Variants in TSNAXIP1 observed in about 807,000 individuals in gnomAD.
The protein encoded by TSNAXIP1 is translin associated factor X interacting protein 1, also known as translin-associated factor X-interacting protein 1.
A neutral mutation model predicts 84.8 loss-of-function variants in TSNAXIP1; 89 were observed. That is an observed-to-expected ratio of 1.05 (90% CI 0.88 to 1.25). TSNAXIP1 has a LOEUF of 1.25. Among genes scored for constraint, TSNAXIP1 ranks in the 50% most tolerant of loss-of-function variants. The pLI, the probability that TSNAXIP1 is intolerant of heterozygous loss-of-function variation, is 0.00. For synonymous variants in TSNAXIP1, 347 were observed against 335.2 expected (o/e 1.04, Z -0.39); for missense variants, 874 against 887.6 (o/e 0.98, Z 0.20).
chr16:67,826,502 C>T lies in TSNAXIP1; in HGVS notation c.1341C>T (p.Ser447=), dbSNP rs1391554557. 4 of 1,614,004 alleles carry T rather than the reference C, an allele frequency of 2.5e-6. No homozygotes were observed. The African/African-American group carries it at 4.0e-5, about 16-fold the overall frequency. Residue 447 remains serine, a synonymous_variant, in exon 11 of 16, where the codon AGC becomes AGT. Coordinates refer to ENST00000561639, the MANE Select transcript of TSNAXIP1 (RefSeq NM_001288990.3). The part of the protein sequence containing the change: ...FDGLVENKKP[S]KKDVVNLLKD... ...GCCTCGTGGAGAACAAGAAGCCAAGCAAGAAGGACGTGGTCAACCTCCTCA... is the reference window on the plus strand; with the variant it reads ...GCCTCGTGGAGAACAAGAAGCCAAGTAAGAAGGACGTGGTCAACCTCCTCA...
intron 2 of TSNAXIP1, among the ~76,000 whole-genome samples, chr16:67,818,206 C>T (rs2056755165): frequency 6.6e-6 from 1 of 151,934 alleles, no homozygotes; most frequent in Admixed American, 6.6e-5. Flanking sequence ...GAGACTCAGT[C>T]TCAAAAAAAT....
intron 1 of TSNAXIP1, chr16:67,807,533 C>T (rs892459521): frequency 2.6e-5 from 16 of 625,422 alleles, no homozygotes; most frequent in Non-Finnish European, 3.8e-5. Context: ...GGCACTACTA[C>T]GGCTCACTGC....
intron 1 of TSNAXIP1, among the ~76,000 whole-genome samples, chr16:67,808,105 A>G (rs1288702388): frequency 1.3e-5 from 2 of 152,188 alleles, no homozygotes; most frequent in Non-Finnish European, 2.9e-5. Flanking sequence ...GGGAACATTT[A>G]GGCAGAATAT....
At chr16:67,809,651 T>C (rs1454372590) in intron 1 of TSNAXIP1, among the ~76,000 whole-genome samples, 4 of 150,326 alleles carry the variant, frequency 2.7e-5, no homozygotes, top group African/African-American at 9.9e-5. Context: ...AATAAATAAA[T>C]AAATAATACA....
At chr16:67,824,852 C>T (rs2057323286) in intron 6 of TSNAXIP1, 73 bp downstream of exon 6, 1 of 1,477,708 alleles carries the variant, frequency 6.8e-7, no homozygotes, top group South Asian at 1.3e-5. Flanking sequence ...TGACCCCCTA[C>T]CCTGCTCTGC....
intron 1 of TSNAXIP1, among the ~76,000 whole-genome samples, chr16:67,811,076 A>G (rs999342558): frequency 1.3e-5 from 2 of 151,002 alleles, no homozygotes; most frequent in South Asian, 2.1e-4. Flanking sequence ...CCCGCCTCTT[A>G]GCCTCCCTGA....
At chr16:67,812,482 A>G (rs908954055) in intron 1 of TSNAXIP1, among the ~76,000 whole-genome samples, 1 of 151,646 alleles carries the variant, frequency 6.6e-6, no homozygotes, top group Non-Finnish European at 1.5e-5. Flanking sequence ...CCTGGCCAAC[A>G]TGGTGAAACT....
intron 2 of TSNAXIP1, among the ~76,000 whole-genome samples, chr16:67,816,731 G>T (rs897192314): frequency 6.6e-6 from 1 of 152,058 alleles, no homozygotes; most frequent in Non-Finnish European, 1.5e-5. Flanking sequence ...CTCCGGGGCC[G>T]CCTTCCCGTT....
chr16:67,825,086 C>A, intron 6 of TSNAXIP1, 51 bp from the exon 7 acceptor site: 1 of 1,598,976 alleles, frequency 6.3e-7, no homozygotes, highest in South Asian at 1.1e-5. Context: ...TGACCAGCTG[C>A]ATACAGGGGT....
chr16:67,807,300 A>G lies in TSNAXIP1; in HGVS notation c.47+104A>G, dbSNP rs530697901. ...CTGCACCTCCTGCTGGCCTCTGACC[A>G]TTGATCTAGGGCTCCAGCACCACAG... On this transcript the variant is annotated intron_variant, in intron 1 of 15. Coordinates refer to ENST00000561639, the MANE Select transcript of TSNAXIP1 (RefSeq NM_001288990.3). 3.3e-6 allele frequency: 5 copies of G among 1,534,678 alleles called. No homozygotes were observed. In the African/African-American group the frequency reaches 5.5e-5, roughly 17 times the overall value.
intron 3 of TSNAXIP1, 32 bp downstream of exon 3, chr16:67,820,983 C>T: frequency 6.3e-7 from 1 of 1,585,922 alleles, no homozygotes; most frequent in Non-Finnish European, 8.6e-7. Context: ...GGTGGGTGAG[C>T]TGGCATGGGC....
chr16:67,825,273 G>A lies in TSNAXIP1; in HGVS notation c.814+1G>A, dbSNP rs751043247. The A allele has an allele frequency of 6.8e-6, 11 of 1,613,984 alleles. No individual in the cohort carries two copies. The highest frequency in any genetic ancestry group is 9.3e-6 in the Non-Finnish European group (11 of 1,179,920). On this transcript the variant is annotated splice_donor_variant, in intron 7 of 15. Transcript: ENST00000561639. LOFTEE classifies it high-confidence loss of function. ...GACATGTCATTAGCCCAGTCGCCAG[G>A]TAAGCCTGAATTGGGAATCGGGTTT...
rs548570440 is a variant in TSNAXIP1 at position 67,825,189 on chromosome 16, A to G, written c.731A>G (p.Glu244Gly). Residue 244 changes from glutamate (E) to glycine (G), a missense_variant, in exon 7 of 16, where the codon GAG (glutamate) becomes GGG (glycine). Transcript: ENST00000561639. ...GAGGAGTACCTGCACTACCTCAGTG[A>G]GCGAGATGCCTGTAAGATCCTCATC... ...LAEEYLHYLS[E>G]RDACKILIAD... The G allele has an allele frequency of 1.2e-6, 2 of 1,614,184 alleles. No individual in the cohort carries two copies. The highest frequency in any genetic ancestry group is 1.3e-5 in the African/African-American group (1 of 75,048).
chr16:67,823,735 C>G lies in TSNAXIP1; in HGVS notation c.481+16C>G. On this transcript the variant is annotated intron_variant, in intron 5 of 15. Coordinates refer to ENST00000561639, the MANE Select transcript of TSNAXIP1 (RefSeq NM_001288990.3). Reference sequence around the variant, plus strand: ...GGGATGCTGGGTAAGAATGCACCTCCTGCCAGGCGTAGTGGCTCACGCCTG... The same window carrying G: ...GGGATGCTGGGTAAGAATGCACCTCGTGCCAGGCGTAGTGGCTCACGCCTG... 1 of 1,604,758 alleles carries G rather than the reference C, an allele frequency of 6.2e-7. No homozygotes were observed. The highest frequency in any genetic ancestry group is 8.5e-7 in the Non-Finnish European group (1 of 1,173,406).
intron 2 of TSNAXIP1, among the ~76,000 whole-genome samples, chr16:67,815,801 A>G (rs2056495065): frequency 6.7e-6 from 1 of 150,340 alleles, no homozygotes; most frequent in Non-Finnish European, 1.5e-5. Context: ...ACTGAGCTCA[A>G]TACTGTTTTT....
At chr16:67,820,725 C>T in intron 2 of TSNAXIP1, 114 bp from the exon 3 acceptor site, 1 of 710,760 alleles carries the variant, frequency 1.4e-6, no homozygotes, top group Non-Finnish European at 2.2e-6. Flanking sequence ...GCCTGGGCAA[C>T]AGAGCAAGAC....
intron 1 of TSNAXIP1, among the ~76,000 whole-genome samples, chr16:67,813,923 T>G (rs1443154284): frequency 1.3e-5 from 2 of 151,920 alleles, no homozygotes; most frequent in South Asian, 2.1e-4. Flanking sequence ...ACCCTGTGCT[T>G]CTTGTCCTAC....
intron 1 of TSNAXIP1, among the ~76,000 whole-genome samples, chr16:67,812,006 G>T (rs2056128395): frequency 6.6e-6 from 1 of 152,158 alleles, no homozygotes. Flanking sequence ...TCTCAACTGG[G>T]TTCACATTAG....
chr16:67,822,151 C>T (rs576049021), intron 4 of TSNAXIP1, among the ~76,000 whole-genome samples: 1 of 150,958 alleles, frequency 6.6e-6, no homozygotes, highest in East Asian at 2.0e-4. Context: ...TGGTGGCAGG[C>T]ACCTGTAGTC....
Sources: allele counts gnomAD v4.1 joint callset (sites outside exome capture counted in the v4.1 genomes callset), GRCh38; gene constraint gnomAD v4.1.1; transcripts MANE v1.5; gene names NCBI Gene and HGNC (gene_info 2026-07-23, HGNC 2026-07-21).